ITGA4: variants seen among roughly 807,000 people sequenced by gnomAD.
The protein encoded by ITGA4 is integrin alpha-4.
ITGA4 carries 63 observed loss-of-function variants against 133.6 expected under a neutral mutation model. The observed-to-expected ratio is 0.47, with a 90% confidence interval of 0.38 to 0.58. ITGA4 has a LOEUF of 0.58. Ranked by LOEUF, ITGA4 falls within the 20% of genes least tolerant of loss-of-function variation. ITGA4 has a pLI of 0.00. For synonymous variants in ITGA4, 483 were observed against 438.0 expected (o/e 1.10, Z -1.28); for missense variants, 1,076 against 1,252.7 (o/e 0.86, Z 2.13).
At chr2:181,511,923 A>G (rs140196924) in intron 17 of ITGA4, 148 bp downstream of exon 17, 7 of 525,500 alleles carry the variant, frequency 1.3e-5, no homozygotes, top group Admixed American at 3.5e-5. Flanking sequence ...TTAGTTTTTT[A>G]TCGGCCAGAA....
chr2:181,486,057 G>C, intron 10 of ITGA4, 65 bp downstream of exon 10: 1 of 1,519,938 alleles, frequency 6.6e-7, no homozygotes, highest in Non-Finnish European at 8.8e-7. Context: ...AAGAAAATAT[G>C]ATTAAAGTTT....
chr2:181,481,093 G>A (rs1574386503), intron 6 of ITGA4, among the ~76,000 whole-genome samples: 1 of 152,186 alleles, frequency 6.6e-6, no homozygotes, highest in Middle Eastern at 3.4e-3. Flanking sequence ...ACAATTCAAT[G>A]TTTTCTTGTT....
Position 181,467,820 on chromosome 2 carries a change from C to T in ITGA4, c.320-7140C>T, listed in dbSNP as rs536322727. 7.9e-5 allele frequency among the ~76,000 whole-genome samples: 12 copies of T among 152,220 alleles called. No homozygotes were observed. In the South Asian group the frequency reaches 1.0e-3, roughly 13 times the overall value. On this transcript the variant is annotated intron_variant, in intron 2 of 27. Transcript: ENST00000397033. ...TTTTTAATTCTAATCTTTCCACTTA[C>T]GGATTTGGGCAAGTTATTTGATTCC...
chr2:181,478,440 T>C (rs1426144525), intron 4 of ITGA4, among the ~76,000 whole-genome samples: 1 of 152,080 alleles, frequency 6.6e-6, no homozygotes, highest in African/African-American at 2.4e-5. Context: ...ACACCTTAGA[T>C]ATACACAGTA....
rs1236270844 is a variant in ITGA4, at chr2:181,530,521, T to C, written c.2539-3T>C. 3 of 1,609,818 alleles carry C rather than the reference T, an allele frequency of 1.9e-6. No homozygotes were observed. The highest frequency in any genetic ancestry group is 4.5e-5 in the East Asian group (2 of 44,716). ...AGATTTCTCTTGCTTTCTGTCTTCATAGACTACTACTGGAGAATGCCACTT... is the reference window on the plus strand; with the variant it reads ...AGATTTCTCTTGCTTTCTGTCTTCACAGACTACTACTGGAGAATGCCACTT... On this transcript the variant is annotated splice_region_variant and splice_polypyrimidine_tract_variant and intron_variant, in intron 23 of 27. Transcript: ENST00000397033.
chr2:181,495,718 C>T lies in ITGA4; in HGVS notation c.1386-65C>T, dbSNP rs139960499. ...GGTGAATGTAAACTGAAAAAACAAA[C>T]GCATTTCTCTCCTTAAGGAAAAATA... On this transcript the variant is annotated intron_variant, in intron 13 of 27. Coordinates refer to ENST00000397033, the MANE Select transcript of ITGA4 (RefSeq NM_000885.6). The surrounding 1 kb of genome is among the most constrained non-coding windows in gnomAD (Gnocchi z 4.3). 1,747 of 1,404,670 alleles carry T rather than the reference C, an allele frequency of 1.2e-3. 9 individuals are homozygous for T. Among genetic ancestry groups the T allele is most frequent in the South Asian group, 2.0e-3 (158 of 78,054 alleles). 87.0% of individuals were successfully genotyped at this position (1,404,670 alleles called of 1,614,324 possible).
chr2:181,514,869 C>T (rs537795653), intron 17 of ITGA4, among the ~76,000 whole-genome samples: 100 of 152,200 alleles, frequency 6.6e-4, no homozygotes, highest in African/African-American at 2.4e-3. Flanking sequence ...TGTTTTCTCA[C>T]AACAAAATAT....
chr2:181,478,670 G>T (rs1685735763), intron 4 of ITGA4, 87 bp from the exon 5 acceptor site: 2 of 561,628 alleles, frequency 3.6e-6, no homozygotes, highest in Non-Finnish European at 3.1e-6. Flanking sequence ...AGACCTTAAA[G>T]GACATTTTTG....
In ITGA4 at chr2:181,482,477, T is replaced by A. The variant is rs766574400; in HGVS notation, c.904-37T>A. ...TGGGCTTTTGCGAGTAACCCTGCTT[T>A]TTTCTCAATGAGTGGATCTGGTTTG... On this transcript the variant is annotated intron_variant, in intron 8 of 27. Transcript: ENST00000397033. The A allele has an allele frequency of 3.7e-6, 6 of 1,613,522 alleles. No homozygotes were observed. In the East Asian group the frequency reaches 1.3e-4, roughly 36 times the overall value.
In ITGA4 at chr2:181,537,305, T is replaced by C. The variant is rs1485626001; in HGVS notation, c.*1778T>C. On this transcript the variant is annotated 3_prime_UTR_variant, in exon 28 of 28. Coordinates refer to ENST00000397033, the MANE Select transcript of ITGA4 (RefSeq NM_000885.6). ...AAACAACTATATATTTCAGGTTATCTGAGCACAGTGAAAGCAGAGTACTAT... is the reference window on the plus strand; with the variant it reads ...AAACAACTATATATTTCAGGTTATCCGAGCACAGTGAAAGCAGAGTACTAT... 2.2e-6 allele frequency: 1 copy of C among 453,224 alleles called. No individual in the cohort carries two copies. Among genetic ancestry groups the C allele is most frequent in the African/African-American group, 2.0e-5 (1 of 49,964 alleles). The allele number at this position is 453,224 out of a possible 1,614,324, so 28.1% of individuals were successfully genotyped here.
chr2:181,536,074 T>A lies in ITGA4; in HGVS notation c.*547T>A, dbSNP rs1463765455. 6.6e-6 allele frequency: 1 copy of A among 151,972 alleles called. No homozygotes were observed. The highest frequency in any genetic ancestry group is 1.5e-5 in the Non-Finnish European group (1 of 68,012). The allele number at this position is 151,972 out of a possible 1,614,324, so 9.4% of individuals were successfully genotyped here. A position where few individuals can be genotyped will look rare whatever the true frequency, so the allele number is the denominator to read the frequency against. On this transcript the variant is annotated 3_prime_UTR_variant, in exon 28 of 28. Coordinates refer to ENST00000397033, the MANE Select transcript of ITGA4 (RefSeq NM_000885.6). ...ATAATACATTTCCTACGGGCTGTGTTCCAACAACCATTTTTTTTCAGCAGA... is the reference window on the plus strand; with the variant it reads ...ATAATACATTTCCTACGGGCTGTGTACCAACAACCATTTTTTTTCAGCAGA...
intron 2 of ITGA4, 126 bp from the exon 3 acceptor site, chr2:181,474,834 C>T (rs909565164): frequency 1.5e-6 from 1 of 661,600 alleles, no homozygotes; most frequent in Non-Finnish European, 2.6e-6. Flanking sequence ...TTTATCCTCA[C>T]ATTGTGCACT....
Position 181,525,203 on chromosome 2 carries a change from G to A in ITGA4, c.2251G>A (p.Glu751Lys). Residue 751 changes from glutamate to lysine, a missense_variant and splice_region_variant, in exon 21 of 28, where the codon GAA becomes AAA. Glu to Lys is a moderately conservative substitution (Grantham distance 56, BLOSUM62 1). This residue lies in a region of ITGA4 where 365 missense variants were observed against 421.4 expected (regional missense o/e 0.87). Transcript: ENST00000397033. ...DLSITVHATCENEEEMDNLKH... is the reference protein window; with the variant it reads ...DLSITVHATCKNEEEMDNLKH... Reference sequence around the variant, plus strand: ...ACAGGGTGTTTTCTGTTTGTATAGTGAAAATGAAGAGGAAATGGACAATCT... The same window carrying A: ...ACAGGGTGTTTTCTGTTTGTATAGTAAAAATGAAGAGGAAATGGACAATCT... 2 of 1,585,780 alleles carry A rather than the reference G, an allele frequency of 1.3e-6. No homozygotes were observed. Among genetic ancestry groups the A allele is most frequent in the Non-Finnish European group, 8.7e-7 (1 of 1,155,184 alleles).
In ITGA4 at chr2:181,522,343, T is replaced by C; in HGVS notation, c.2073+2T>C. ...TATTTCATTAAGATTTTAGAGCTGG[T>C]AAGTACTGTAAACCACAATAGCATG... On this transcript the variant is annotated splice_donor_variant, in intron 18 of 27. Coordinates refer to ENST00000397033, the MANE Select transcript of ITGA4 (RefSeq NM_000885.6). LOFTEE classifies it high-confidence loss of function. 1 of 1,592,270 alleles carries C rather than the reference T, an allele frequency of 6.3e-7. No homozygotes were observed. The highest frequency in any genetic ancestry group is 8.6e-7 in the Non-Finnish European group (1 of 1,168,910).
At chr2:181,488,155 A>G (rs1394578226) in intron 10 of ITGA4, among the ~76,000 whole-genome samples, 2 of 152,236 alleles carry the variant, frequency 1.3e-5, no homozygotes, top group Non-Finnish European at 2.9e-5. Flanking sequence ...AACTGTTGTG[A>G]GCATAGGCAA....
chr2:181,522,237 T>C lies in ITGA4; in HGVS notation c.1969T>C (p.Leu657=), dbSNP rs1480715329. Residue 657 remains leucine (L), a synonymous_variant, in exon 18 of 28, where the codon TTG becomes CTG. Transcript: ENST00000397033. ...TYLAVGSMKT[L]MLNVSLFNAG... ...TCTTGCTGTTGGGAGTATGAAGACA[T>C]TGATGTTGAATGTGTCCTTGTTTAA... 1.9e-6 allele frequency: 3 copies of C among 1,606,444 alleles called. No homozygotes were observed. The highest frequency in any genetic ancestry group is 1.1e-5 in the South Asian group (1 of 90,464).
At chr2:181,515,341 C>T (rs1465996578) in intron 17 of ITGA4, among the ~76,000 whole-genome samples, 1 of 152,008 alleles carries the variant, frequency 6.6e-6, no homozygotes, top group Non-Finnish European at 1.5e-5. Context: ...ATAATGCAGG[C>T]CAAGTGCCTA....
intron 15 of ITGA4, among the ~76,000 whole-genome samples, chr2:181,504,594 ATAT>A (rs1326747858): frequency 2.0e-5 from 3 of 152,160 alleles, no homozygotes; most frequent in Admixed American, 6.6e-5. Flanking sequence ...CACTGTACTA[ATAT>A]TATGGTATTC....
At chr2:181,526,988 C>T (rs193053758) in intron 21 of ITGA4, among the ~76,000 whole-genome samples, 1,644 of 151,512 alleles carry the variant, frequency 0.011, 31 homozygotes, top group African/African-American at 0.036. Context: ...CACGCCACCA[C>T]GCCCAGCTAA....
Sources: allele counts gnomAD v4.1 joint callset (sites outside exome capture counted in the v4.1 genomes callset), GRCh38; gene constraint gnomAD v4.1.1; regional missense constraint gnomAD v4.1.1; non-coding constraint Gnocchi (gnomAD v3.1); transcripts MANE v1.5; gene names NCBI Gene and HGNC (gene_info 2026-07-23, HGNC 2026-07-21).